The following HTR1F variants were observed in gnomAD, a reference collection of about 807,000 sequenced individuals.
The protein encoded by HTR1F is 5-hydroxytryptamine receptor 1F.
HTR1F carries 17 observed loss-of-function variants against 24.0 expected under a neutral mutation model. That is an observed-to-expected ratio of 0.71 (90% confidence interval 0.48 to 1.06). The LOEUF is 1.06. Among genes scored for constraint, HTR1F ranks in the 50% least tolerant of loss-of-function variants. The probability of loss-of-function intolerance (pLI) is 0.00; values close to 1 mark genes in which losing one functional copy is unlikely to be tolerated. For synonymous variants in HTR1F, 186 were observed against 156.8 expected (o/e 1.19, Z -1.39); for missense variants, 391 against 427.8 (o/e 0.91, Z 0.76).
chr3:87,945,912 A>G (rs1304115916), intron 2 of HTR1F, among the ~76,000 whole-genome samples: 1 of 152,104 alleles, frequency 6.6e-6, no homozygotes, highest in Non-Finnish European at 1.5e-5. Context: ...TGCTTCCAAA[A>G]TGGCGGTGGG....
intron 2 of HTR1F, among the ~76,000 whole-genome samples, chr3:87,872,851 C>T (rs1705587908): frequency 1.3e-5 from 2 of 152,022 alleles, no homozygotes; most frequent in Admixed American, 1.3e-4. Flanking sequence ...CAGGACAACT[C>T]CGCCAAACTT....
chr3:87,978,815 G>T (rs1452755345), intron 2 of HTR1F, among the ~76,000 whole-genome samples: 1 of 139,942 alleles, frequency 7.1e-6, no homozygotes, highest in Non-Finnish European at 1.5e-5. Flanking sequence ...AAGACTGAAG[G>T]TCCTATTGCT....
At position 87,993,661 on chromosome 3, in the gene HTR1F, T is replaced by C. The variant is rs1346713076; in HGVS notation, c.*1811T>C. The C allele has an allele frequency of 1.8e-5, 3 of 167,128 alleles. No homozygotes were observed. The highest frequency in any genetic ancestry group is 3.4e-3 in the Middle Eastern group (1 of 296). The allele number at this position is 167,128 out of a possible 1,614,324, so 10.4% of individuals were successfully genotyped here. A position where few individuals can be genotyped will look rare whatever the true frequency, so the allele number is the denominator to read the frequency against. On this transcript the variant is annotated 3_prime_UTR_variant, in exon 3 of 3. Coordinates refer to ENST00000319595, the MANE Select transcript of HTR1F (RefSeq NM_001322209.2). Reference sequence around the variant, plus strand: ...GGCATGTTCATAAATAGCAATGAGTTTGGCAACTATTTAGAGCAATAGAGG... The same window carrying C: ...GGCATGTTCATAAATAGCAATGAGTCTGGCAACTATTTAGAGCAATAGAGG...
intron 2 of HTR1F, among the ~76,000 whole-genome samples, chr3:87,933,724 A>G (rs1704342213): frequency 6.6e-6 from 1 of 152,250 alleles, no homozygotes; most frequent in Non-Finnish European, 1.5e-5. Flanking sequence ...GAAATGGAAG[A>G]ACATTCCATG....
intron 2 of HTR1F, among the ~76,000 whole-genome samples, chr3:87,967,978 A>G (rs1349399331): frequency 6.6e-6 from 1 of 152,228 alleles, no homozygotes; most frequent in Non-Finnish European, 1.5e-5. Flanking sequence ...GATGTGGGAA[A>G]GTTTGGAACT....
intron 2 of HTR1F, among the ~76,000 whole-genome samples, chr3:87,979,333 C>T (rs911780214): frequency 1.3e-5 from 2 of 152,070 alleles, no homozygotes; most frequent in African/African-American, 4.8e-5. Context: ...GAACAAAGCC[C>T]ACATTCCCAA....
chr3:87,841,194 A>G (rs1418299646), intron 2 of HTR1F, among the ~76,000 whole-genome samples: 1 of 151,924 alleles, frequency 6.6e-6, no homozygotes, highest in Non-Finnish European at 1.5e-5. Flanking sequence ...CCATAAATAT[A>G]TAATTATTTA....
At chr3:87,815,058 G>T (rs1704225177) in intron 1 of HTR1F, among the ~76,000 whole-genome samples, 1 of 152,050 alleles carries the variant, frequency 6.6e-6, no homozygotes. Context: ...TATGGTTCAG[G>T]AAAAGGAAGT....
At chr3:87,808,315 A>C (rs1704105804) in intron 1 of HTR1F, among the ~76,000 whole-genome samples, 1 of 151,778 alleles carries the variant, frequency 6.6e-6, no homozygotes, top group South Asian at 2.1e-4. Flanking sequence ...ATCTGTTCAG[A>C]TTTTTAATTT....
chr3:87,990,695 TCCC>T lies in HTR1F; in HGVS notation c.-42-12_-42-10del. On this transcript the variant is annotated splice_polypyrimidine_tract_variant and intron_variant, in intron 2 of 2. Transcript: ENST00000319595. The stretch of plus-strand genomic sequence containing the variant: ...GCCTTCTCTGAACTGTTTTTTCTCT[TCCC>T]TTGTTACAGGTATCCATTTTTCAGC... The T allele has an allele frequency of 2.2e-6, 3 of 1,367,724 alleles. No homozygotes were observed. Among genetic ancestry groups the T allele is most frequent in the Admixed American group, 2.0e-5 (1 of 50,412 alleles). The allele number at this position is 1,367,724 out of a possible 1,614,324, so 84.7% of individuals were successfully genotyped here.
intron 2 of HTR1F, among the ~76,000 whole-genome samples, chr3:87,825,399 A>G (rs1704442598): frequency 6.6e-6 from 1 of 152,130 alleles, no homozygotes; most frequent in Admixed American, 6.5e-5. Context: ...TCTCTCTCCT[A>G]AGTCTAATAA....
intron 1 of HTR1F, among the ~76,000 whole-genome samples, chr3:87,804,841 A>G (rs1704048647): frequency 1.3e-5 from 2 of 152,144 alleles, no homozygotes; most frequent in African/African-American, 4.8e-5. Context: ...TGAAACCAAC[A>G]GTAAGCTTGC....
intron 2 of HTR1F, among the ~76,000 whole-genome samples, chr3:87,962,876 C>G (rs921165570): frequency 1.3e-5 from 2 of 151,998 alleles, no homozygotes; most frequent in African/African-American, 4.8e-5. Flanking sequence ...CTTCCCCTCA[C>G]CAGATATTCT....
chr3:87,846,445 A>AT (rs1199082260), intron 2 of HTR1F, among the ~76,000 whole-genome samples: 5 of 151,876 alleles, frequency 3.3e-5, no homozygotes, highest in Non-Finnish European at 5.9e-5. Flanking sequence ...TCAAAAAAAA[A>AT]ATATATTATG....
chr3:87,930,110 C>T (rs1402563603), intron 2 of HTR1F, among the ~76,000 whole-genome samples: 1 of 152,102 alleles, frequency 6.6e-6, no homozygotes, highest in Non-Finnish European at 1.5e-5. Context: ...TATAGGAATG[C>T]TAGTGATTTT....
intron 2 of HTR1F, among the ~76,000 whole-genome samples, chr3:87,831,401 C>T (rs938190014): frequency 3.6e-4 from 54 of 150,244 alleles, no homozygotes; most frequent in African/African-American, 1.2e-3. Context: ...CTCACTCTGT[C>T]GCCCAGGCTG....
intron 2 of HTR1F, among the ~76,000 whole-genome samples, chr3:87,927,156 C>T (rs1704145480): frequency 6.6e-6 from 1 of 152,090 alleles, no homozygotes; most frequent in Non-Finnish European, 1.5e-5. Context: ...TTATATGCCA[C>T]AACTTAAGTG....
intron 2 of HTR1F, among the ~76,000 whole-genome samples, chr3:87,849,394 T>A (rs1327573577): frequency 2.6e-5 from 4 of 151,792 alleles, no homozygotes; most frequent in African/African-American, 9.7e-5. Context: ...CTGGGAAAAC[T>A]GGCTAGCCAT....
intron 2 of HTR1F, among the ~76,000 whole-genome samples, chr3:87,900,123 T>G (rs1178378255): frequency 2.6e-5 from 4 of 151,840 alleles, no homozygotes; most frequent in African/African-American, 9.7e-5. Flanking sequence ...TTATAGTATT[T>G]TCAATGGGAT....
Sources: gnomAD v4.1 joint callset for allele counts (sites outside exome capture counted in the v4.1 genomes callset) on GRCh38, gnomAD v4.1.1 for gene constraint, MANE v1.5 for transcripts, NCBI Gene and HGNC (gene_info 2026-07-23, HGNC 2026-07-21) for gene names.